The following ANKS1B variants were observed in gnomAD, a reference collection of about 807,000 sequenced individuals.
ANKS1B encodes the protein ankyrin repeat and sterile alpha motif domain-containing protein 1B.
Under a neutral mutation model 148.3 loss-of-function variants are expected in ANKS1B, and 36 were observed. The observed-to-expected ratio is 0.24, with a 90% confidence interval of 0.19 to 0.32. The LOEUF is 0.32. ANKS1B is among the 10% of genes least tolerant of loss of function. The pLI, the probability that ANKS1B is intolerant of heterozygous loss-of-function variation, is 1.00. For synonymous variants in ANKS1B, 542 were observed against 560.8 expected (o/e 0.97, Z 0.47); for missense variants, 1,157 against 1,542.6 (o/e 0.75, Z 4.19).
chr12:99,615,784 T>A (rs2097952157), intron 9 of ANKS1B, among the ~76,000 whole-genome samples: 1 of 152,240 alleles, frequency 6.6e-6, no homozygotes, highest in East Asian at 1.9e-4. Flanking sequence ...TATTGGAAGT[T>A]CTGGCCAGGG....
chr12:99,689,199 A>C (rs936933689), intron 8 of ANKS1B, among the ~76,000 whole-genome samples: 3 of 152,202 alleles, frequency 2.0e-5, no homozygotes, highest in Non-Finnish European at 2.9e-5. Context: ...AGATTATTCT[A>C]TTTAAAACAC....
intron 12 of ANKS1B, among the ~76,000 whole-genome samples, chr12:99,308,480 T>C (rs1419478188): frequency 2.0e-5 from 3 of 152,054 alleles, no homozygotes; most frequent in Non-Finnish European, 4.4e-5. Flanking sequence ...CTAGGCTGTC[T>C]TTTCCATGTC....
In ANKS1B at chr12:99,269,153, A is replaced by G. The variant is rs138217117; in HGVS notation, c.1757-22289T>C. ...TGGGAAATGGCTCCTAAATGAACAGATGATACCTTTGCAATTTGAAGTTAA... is the reference window on the plus strand; with the variant it reads ...TGGGAAATGGCTCCTAAATGAACAGGTGATACCTTTGCAATTTGAAGTTAA... On this transcript the variant is annotated intron_variant, in intron 12 of 26. Coordinates refer to ENST00000683438, the MANE Select transcript of ANKS1B (RefSeq NM_001352186.2). Among the ~76,000 whole-genome samples the G allele has an allele frequency of 5.1e-3, 778 of 152,352 alleles. 11 individuals carry two copies. The highest frequency in any genetic ancestry group is 0.018 in the African/African-American group (753 of 41,594).
intron 19 of ANKS1B, among the ~76,000 whole-genome samples, chr12:98,828,282 T>C (rs2099266888): frequency 6.6e-6 from 1 of 152,200 alleles, no homozygotes; most frequent in South Asian, 2.1e-4. Context: ...ATACAATGTT[T>C]ACCAGAGGCT....
intron 8 of ANKS1B, among the ~76,000 whole-genome samples, chr12:99,742,260 A>G (rs1471253408): frequency 6.6e-6 from 1 of 152,144 alleles, no homozygotes; most frequent in South Asian, 2.1e-4. Flanking sequence ...AAAGAAAAAA[A>G]AAAACAGTGG....
At chr12:99,307,002 G>C (rs934207377) in intron 12 of ANKS1B, among the ~76,000 whole-genome samples, 15 of 152,022 alleles carry the variant, frequency 9.9e-5, no homozygotes, top group African/African-American at 3.6e-4. Flanking sequence ...ACTTTGGAAA[G>C]TACAATGTAA....
chr12:98,773,711 C>T (rs1456719127), intron 24 of ANKS1B, among the ~76,000 whole-genome samples: 1 of 152,194 alleles, frequency 6.6e-6, no homozygotes, highest in African/African-American at 2.4e-5. Context: ...CCACCTCGGC[C>T]TCCCAAAGTG....
chr12:98,977,112 C>T (rs1339956034), intron 17 of ANKS1B, among the ~76,000 whole-genome samples: 1 of 152,154 alleles, frequency 6.6e-6, no homozygotes. Context: ...AAAGAGACAG[C>T]ATCATTGGCT....
chr12:99,909,913 C>T lies in ANKS1B; in HGVS notation c.134+74191G>A, dbSNP rs955285112. ...TATTTCTCCTGGAAGATGATTTAGACTACAACTACAACTATAATCACTTAG... is the reference window on the plus strand; with the variant it reads ...TATTTCTCCTGGAAGATGATTTAGATTACAACTACAACTATAATCACTTAG... On this transcript the variant is annotated intron_variant, in intron 1 of 26. Transcript: ENST00000683438. 3.9e-5 allele frequency among the ~76,000 whole-genome samples: 6 copies of T among 152,164 alleles called. No homozygotes were observed. In the East Asian group the frequency reaches 5.8e-4, roughly 15 times the overall value.
intron 1 of ANKS1B, among the ~76,000 whole-genome samples, chr12:99,957,387 A>G (rs1456139965): frequency 6.6e-6 from 1 of 152,226 alleles, no homozygotes; most frequent in East Asian, 1.9e-4. Context: ...AAAGTTACTA[A>G]GAGCACGAGC....
chr12:99,373,784 T>C (rs116817496), intron 12 of ANKS1B, among the ~76,000 whole-genome samples: 2,591 of 152,286 alleles, frequency 0.017, 80 homozygotes, highest in African/African-American at 0.059. Context: ...CTTTAGTGAC[T>C]TGGCGAAAGT....
At chr12:99,268,353 T>G (rs1458150396) in intron 12 of ANKS1B, among the ~76,000 whole-genome samples, 4 of 152,242 alleles carry the variant, frequency 2.6e-5, no homozygotes, top group Admixed American at 2.6e-4. Context: ...CCCTAAGTTG[T>G]TAAGCAGTTG....
chr12:98,905,365 G>A (rs887021920), intron 17 of ANKS1B, among the ~76,000 whole-genome samples: 11 of 152,264 alleles, frequency 7.2e-5, no homozygotes, highest in East Asian at 3.9e-4. Context: ...TTGTGGTGGC[G>A]CCTGCTTTCA....
intron 16 of ANKS1B, among the ~76,000 whole-genome samples, chr12:99,061,254 C>A (rs2042372763): frequency 6.6e-6 from 1 of 152,174 alleles, no homozygotes; most frequent in African/African-American, 2.4e-5. Flanking sequence ...AAAGAAGTTC[C>A]TCGACCTAGA....
At chr12:98,855,743 C>T (rs2099567739) in intron 17 of ANKS1B, among the ~76,000 whole-genome samples, 1 of 150,516 alleles carries the variant, frequency 6.6e-6, no homozygotes, top group African/African-American at 2.4e-5. Flanking sequence ...CAAACTGGCT[C>T]TTGGCCAGTG....
chr12:99,202,912 C>T (rs2082234293), intron 14 of ANKS1B, among the ~76,000 whole-genome samples: 1 of 152,100 alleles, frequency 6.6e-6, no homozygotes, highest in Admixed American at 6.5e-5. Flanking sequence ...TCCAAGTGTC[C>T]TACATCCTCT....
At chr12:99,412,825 C>G (rs1194602610) in intron 11 of ANKS1B, among the ~76,000 whole-genome samples, 2 of 152,116 alleles carry the variant, frequency 1.3e-5, no homozygotes, top group Non-Finnish European at 2.9e-5. Flanking sequence ...GAAGTCTGGA[C>G]AACTCGAAGA....
chr12:99,266,545 A>C (rs1173794265), intron 12 of ANKS1B, among the ~76,000 whole-genome samples: 1 of 152,154 alleles, frequency 6.6e-6, no homozygotes, highest in Non-Finnish European at 1.5e-5. Context: ...TTGTGCTCTT[A>C]CCGGCTATGC....
intron 14 of ANKS1B, among the ~76,000 whole-genome samples, chr12:99,233,141 T>G (rs1265860161): frequency 6.6e-6 from 1 of 152,162 alleles, no homozygotes; most frequent in African/African-American, 2.4e-5. Context: ...ATTTCATGTT[T>G]AGATTTGGGT....
Sources: allele counts gnomAD v4.1 joint callset (sites outside exome capture counted in the v4.1 genomes callset), GRCh38; gene constraint gnomAD v4.1.1; transcripts MANE v1.5; gene names NCBI Gene and HGNC (gene_info 2026-07-23, HGNC 2026-07-21).